Variants in NOS2 observed in about 807,000 individuals in gnomAD.
NOS2 encodes the protein nitric oxide synthase 2.
In NOS2, 96 loss-of-function variants were observed where a neutral mutation model predicts 136.0. The observed-to-expected ratio is 0.71, with a 90% CI of 0.60 to 0.84. The LOEUF (loss-of-function observed/expected upper bound fraction) is 0.84. NOS2 is among the 40% of genes least tolerant of loss of function. The pLI, the probability that NOS2 is intolerant of heterozygous loss-of-function variation, is 0.00. For missense variants in NOS2, 1,237 were observed against 1,496.9 expected (o/e 0.83, Z 2.87); for synonymous variants, 539 against 587.5 (o/e 0.92, Z 1.20).
chr17:27,796,722 T>A (rs527885198), intron 2 of NOS2, among the ~76,000 whole-genome samples: 18 of 152,126 alleles, frequency 1.2e-4, no homozygotes, highest in Middle Eastern at 3.4e-3. Context: ...AAGAGAGAGC[T>A]CAGAGCCAGT....
At chr17:27,790,917 C>T (rs151082684) in intron 2 of NOS2, among the ~76,000 whole-genome samples, 550 of 152,264 alleles carry the variant, frequency 3.6e-3, no homozygotes, top group Non-Finnish European at 6.4e-3. Context: ...GTTCCATGTT[C>T]TTGGCAGTAT....
In NOS2 at chr17:27,760,609, G is replaced by A. The variant is rs1241870773; in HGVS notation, c.3010+14C>T. ...CCCTGGTGCCCCTCCCACCTGGGAA[G>A]CCTCCAGCCTTACCCTTGTGCTGGG... On this transcript the variant is annotated intron_variant, in intron 24 of 26. Coordinates refer to ENST00000313735, the MANE Select transcript of NOS2 (RefSeq NM_000625.4). The A allele has an allele frequency of 6.4e-7, 1 of 1,552,494 alleles. No individual in the cohort carries two copies. The highest frequency in any genetic ancestry group is 2.4e-5 in the East Asian group (1 of 41,090).
intron 26 of NOS2, among the ~76,000 whole-genome samples, 180 bp downstream of exon 26, chr17:27,758,701 A>T (rs2151323865): frequency 6.6e-6 from 1 of 152,282 alleles, no homozygotes; most frequent in Middle Eastern, 3.4e-3. Context: ...CTGGTCCAGG[A>T]TGTGCAGTAA....
chr17:27,789,116 C>T (rs1909113265), intron 3 of NOS2, among the ~76,000 whole-genome samples, 185 bp from the exon 4 acceptor site: 1 of 152,180 alleles, frequency 6.6e-6, no homozygotes, highest in Admixed American at 6.5e-5. Flanking sequence ...GGTGCCTGGG[C>T]CACTGGCCAG....
rs767806769 is a variant in NOS2 at position 27,762,858 on chromosome 17, G to A, written c.2740C>T (p.Arg914Trp). 19 of 1,573,442 alleles carry A rather than the reference G, an allele frequency of 1.2e-5. No homozygotes were observed. Among genetic ancestry groups the A allele is most frequent in the Admixed American group, 3.8e-5 (2 of 53,298 alleles). Reference protein sequence around the residue: ...KPRFYSISSSRDHTPTEIHLT... With the variant: ...KPRFYSISSSWDHTPTEIHLT... ...TGGATCTCTGTGGGCGTGTGATCCCGGGAGGAGCTGATGGAGTAGAACCTG... is the reference window on the plus strand; with the variant it reads ...TGGATCTCTGTGGGCGTGTGATCCCAGGAGGAGCTGATGGAGTAGAACCTG... Residue 914 changes from arginine to tryptophan, a missense_variant, in exon 22 of 27, where the codon CGG (arginine) becomes TGG (tryptophan). Arg to Trp is a moderately radical substitution (Grantham distance 101, BLOSUM62 -3). Around this residue, in one of 3 missense-constraint regions of NOS2, gnomAD observed 782 missense variants for 909.9 expected, o/e 0.86. Coordinates refer to ENST00000313735, the MANE Select transcript of NOS2 (RefSeq NM_000625.4).
chr17:27,783,248 G>A (rs1908910232), intron 5 of NOS2, 142 bp from the exon 6 acceptor site: 4 of 852,374 alleles, frequency 4.7e-6, no homozygotes, highest in Middle Eastern at 3.3e-4. Flanking sequence ...TCCAGGGCTG[G>A]CTTTGGGGAC....
intron 2 of NOS2, chr17:27,793,777 G>T: frequency 2.6e-6 from 1 of 383,208 alleles, no homozygotes; most frequent in East Asian, 3.7e-5. Flanking sequence ...TGCAGCCCCC[G>T]CCCCGGGGGC....
Position 27,778,763 on chromosome 17 carries a change from G to A in NOS2, c.1208C>T (p.Thr403Met), listed in dbSNP as rs368429192. The A allele has an allele frequency of 1.7e-5, 28 of 1,614,066 alleles. No homozygotes were observed. The Admixed American group carries it at 1.8e-4, about 11-fold the overall frequency. Residue 403 changes from threonine to methionine, a missense_variant, in exon 11 of 27, where the codon ACG becomes ATG. Thr to Met is a moderately conservative substitution (Grantham distance 81). This residue lies in a region of NOS2 where 440 missense variants were observed against 545.4 expected (regional missense o/e 0.81). Coordinates refer to ENST00000313735, the MANE Select transcript of NOS2 (RefSeq NM_000625.4). Reference protein sequence around the residue: ...EEVGRRMGLETHKLASLWKDQ... With the variant: ...EEVGRRMGLEMHKLASLWKDQ... ...TTTCCAGAGCGAGGCCAGCTTGTGC[G>A]TTTCCAGGCCCATTCTCCTGCCCAC...
intron 2 of NOS2, among the ~76,000 whole-genome samples, chr17:27,794,399 C>T (rs1331233416): frequency 6.6e-6 from 1 of 152,138 alleles, no homozygotes; most frequent in East Asian, 1.9e-4. Flanking sequence ...ACCTGGACTG[C>T]GCAGAGCCTC....
At chr17:27,784,751 CTA>C (rs887075674) in intron 5 of NOS2, among the ~76,000 whole-genome samples, 8 of 152,138 alleles carry the variant, frequency 5.3e-5, no homozygotes, top group African/African-American at 1.9e-4. Context: ...TCTAAATATG[CTA>C]TGATTCTTCA....
At chr17:27,786,239 G>A (rs1909020554) in intron 5 of NOS2, among the ~76,000 whole-genome samples, 1 of 151,132 alleles carries the variant, frequency 6.6e-6, no homozygotes, top group Admixed American at 6.6e-5. Flanking sequence ...TGGCCAACAT[G>A]ATGAAACCCC....
intron 20 of NOS2, among the ~76,000 whole-genome samples, chr17:27,765,057 C>A (rs2080089641): frequency 1.3e-5 from 2 of 152,232 alleles, no homozygotes; most frequent in African/African-American, 4.8e-5. Flanking sequence ...CATATCACTG[C>A]AACCTCCACC....
At chr17:27,768,943 C>A in intron 17 of NOS2, 34 bp downstream of exon 17, 1 of 1,557,316 alleles carries the variant, frequency 6.4e-7, no homozygotes, top group Non-Finnish European at 8.7e-7. Context: ...CCTGTCATGT[C>A]CCTGCTGTGG....
chr17:27,763,048 C>A, intron 21 of NOS2, 43 bp from the exon 22 acceptor site: 2 of 1,340,792 alleles, frequency 1.5e-6, no homozygotes, highest in East Asian at 2.4e-5. Context: ...GCGCCTGTCC[C>A]GCTTTGGGGA....
In NOS2 at chr17:27,769,294, C is replaced by T. The variant is rs2297517; in HGVS notation, c.1860-143G>A. 1.1e-3 allele frequency: 999 copies of T among 888,264 alleles called. 18 individuals carry two copies. The East Asian group carries it at 0.026, about 23-fold the overall frequency. 55.0% of individuals were successfully genotyped at this position (888,264 alleles called of 1,614,324 possible). On this transcript the variant is annotated intron_variant, in intron 16 of 26. Coordinates refer to ENST00000313735, the MANE Select transcript of NOS2 (RefSeq NM_000625.4). The stretch of plus-strand genomic sequence containing the variant: ...GAGCTGGACCCCCTTCTGGTCCTCT[C>T]CATCCCCCAGCCTTGTCACCAACTC...
At chr17:27,789,869 T>C (rs1285552707) in intron 2 of NOS2, among the ~76,000 whole-genome samples, 181 bp from the exon 3 acceptor site, 1 of 152,176 alleles carries the variant, frequency 6.6e-6, no homozygotes, top group Non-Finnish European at 1.5e-5. Flanking sequence ...CTTCCTCTTA[T>C]CTTCTTCCTC....
chr17:27,764,623 T>C (rs1175727030), intron 20 of NOS2, among the ~76,000 whole-genome samples: 1 of 152,212 alleles, frequency 6.6e-6, no homozygotes, highest in Non-Finnish European at 1.5e-5. Context: ...CAGACCCTGG[T>C]GCCAGAAGAC....
chr17:27,783,966 A>G (rs1450625530), intron 5 of NOS2, among the ~76,000 whole-genome samples: 1 of 152,222 alleles, frequency 6.6e-6, no homozygotes, highest in Non-Finnish European at 1.5e-5. Context: ...GGGCCTGGCC[A>G]GAAAAGAGCT....
chr17:27,779,113 T>G (rs1448678539), intron 9 of NOS2, 57 bp from the exon 10 acceptor site: 1 of 1,253,990 alleles, frequency 8.0e-7, no homozygotes, highest in African/African-American at 1.6e-5. Context: ...ATTTTATTAT[T>G]ATTTTTTTTT....
Sources: gnomAD v4.1 joint callset for allele counts (sites outside exome capture counted in the v4.1 genomes callset) on GRCh38, gnomAD v4.1.1 for gene constraint, gnomAD v4.1.1 regional missense constraint, MANE v1.5 for transcripts, NCBI Gene and HGNC (gene_info 2026-07-23, HGNC 2026-07-21) for gene names.